URAD: variants seen among roughly 807,000 people sequenced by gnomAD.
URAD encodes ureidoimidazoline (2-oxo-4-hydroxy-4-carboxy-5-) decarboxylase.
In URAD, 4 loss-of-function variants were observed where a neutral mutation model predicts 4.6. That is an observed-to-expected ratio of 0.87 (90% CI 0.43 to 1.98). The LOEUF is 1.98. URAD is among the 30% of genes most tolerant of loss of function. The pLI, the probability that URAD is intolerant of heterozygous loss-of-function variation, is 0.03. For synonymous variants in URAD, 144 were observed against 118.2 expected, an observed-to-expected ratio of 1.22 and a Z score of -1.41; for missense variants, 300 against 255.3, an observed-to-expected ratio of 1.18 and a Z score of -1.19.
intron 1 of URAD, among the ~76,000 whole-genome samples, chr13:27,983,615 G>T (rs953989548): frequency 6.6e-6 from 1 of 152,032 alleles, no homozygotes; most frequent in African/African-American, 2.4e-5. Context: ...AACCTCCTAA[G>T]AAAGACCACC....
chr13:27,985,309 T>G (rs1377365167), intron 1 of URAD, among the ~76,000 whole-genome samples: 2 of 151,616 alleles, frequency 1.3e-5, no homozygotes, highest in East Asian at 3.9e-4. Context: ...AATAGAAAAA[T>G]TAGCTGGGCA....
chr13:27,987,892 T>TGATAGATAGATAGATATA (rs1555247012), intron 1 of URAD, among the ~76,000 whole-genome samples: 14 of 150,196 alleles, frequency 9.3e-5, no homozygotes, highest in African/African-American at 3.4e-4. Context: ...AATAGATAGA[T>TGATAGATAGATAGATATA]GATAGATAGA....
chr13:27,980,103 G>T (rs1333795532), intron 1 of URAD, among the ~76,000 whole-genome samples: 17 of 152,074 alleles, frequency 1.1e-4, no homozygotes, highest in Non-Finnish European at 1.5e-5. Context: ...CAGCTCTGTC[G>T]CCCGGGATGG....
intron 1 of URAD, among the ~76,000 whole-genome samples, chr13:27,987,545 C>G (rs1156412452): frequency 2.6e-5 from 4 of 152,194 alleles, no homozygotes; most frequent in African/African-American, 9.6e-5. Flanking sequence ...CAGCCGATTG[C>G]CCTTTCCCCT....
chr13:27,981,321 A>G (rs7329212), intron 1 of URAD, among the ~76,000 whole-genome samples: 2 of 151,906 alleles, frequency 1.3e-5, no homozygotes, highest in South Asian at 4.1e-4. Flanking sequence ...AGTAGGTGCC[A>G]TCTCCTTGCC....
At chr13:27,987,830 C>A (rs749374296) in intron 1 of URAD, among the ~76,000 whole-genome samples, 1 of 151,994 alleles carries the variant, frequency 6.6e-6, no homozygotes, top group Non-Finnish European at 1.5e-5. Context: ...CTTACTGAAC[C>A]TTCCAAAGGA....
chr13:27,978,497 C>A, intron 1 of URAD, 45 bp from the exon 2 acceptor site: 2 of 1,253,304 alleles, frequency 1.6e-6, no homozygotes, highest in Non-Finnish European at 2.0e-6. Flanking sequence ...CAACCGCGCC[C>A]GTCCCGCACC....
In URAD at chr13:27,978,422, T is replaced by C; in HGVS notation, c.206A>G (p.Asp69Gly). Residue 69 changes from aspartate (D) to glycine (G), a missense_variant, in exon 2 of 2, where the codon GAC (aspartate) becomes GGC (glycine). Asp to Gly is a moderately conservative substitution (Grantham distance 94). Coordinates refer to ENST00000332715, the MANE Select transcript of URAD (RefSeq NM_001105577.2). The part of the protein sequence containing the change: ...GQEGILRCHP[D>G]LAGSELQRGT... ...CCGCTGCAGCTCGCTGCCCGCCAGG[T>C]CCGGGTGGCAGCGCAGGATGCCCTC... The C allele has an allele frequency of 7.3e-7, 1 of 1,374,708 alleles. No homozygotes were observed. The highest frequency in any genetic ancestry group is 9.3e-7 in the Non-Finnish European group (1 of 1,071,730). 85.2% of individuals were successfully genotyped at this position (1,374,708 alleles called of 1,614,324 possible).
Position 27,977,757 on chromosome 13 carries a change from A to T in URAD, c.*349T>A. ...TCCTTTTCCGTCCGTTTTGCTTTGCAGTTCGGGCTTAGCAGGAGAGGGTTG... is the reference window on the plus strand; with the variant it reads ...TCCTTTTCCGTCCGTTTTGCTTTGCTGTTCGGGCTTAGCAGGAGAGGGTTG... On this transcript the variant is annotated 3_prime_UTR_variant, in exon 2 of 2. Transcript: ENST00000332715. 1 of 294,428 alleles carries T rather than the reference A, an allele frequency of 3.4e-6. No individual in the cohort carries two copies. 18.2% of individuals were successfully genotyped at this position (294,428 alleles called of 1,614,324 possible). A position where few individuals can be genotyped will look rare whatever the true frequency, so the allele number is the denominator to read the frequency against.
At chr13:27,984,337 C>G (rs1262633391) in intron 1 of URAD, among the ~76,000 whole-genome samples, 2 of 152,168 alleles carry the variant, frequency 1.3e-5, no homozygotes, top group Admixed American at 6.5e-5. Flanking sequence ...ACTAATTGTC[C>G]GTTCTCTTTC....
chr13:27,986,804 G>A (rs370162381), intron 1 of URAD, among the ~76,000 whole-genome samples: 3 of 152,142 alleles, frequency 2.0e-5, no homozygotes, highest in East Asian at 3.9e-4. Context: ...GGTGGGCTCC[G>A]GGGCCTCCTG....
intron 1 of URAD, among the ~76,000 whole-genome samples, chr13:27,986,020 A>G (rs1269182847): frequency 6.6e-6 from 1 of 152,176 alleles, no homozygotes; most frequent in African/African-American, 2.4e-5. Flanking sequence ...AGCTGCCGCC[A>G]GACAGCAATG....
chr13:27,988,642 T>G lies in URAD; in HGVS notation c.-5A>C. On this transcript the variant is annotated 5_prime_UTR_variant, in exon 1 of 2. Transcript: ENST00000332715. ...GTTGACCTTCTCAATGTCCATTCCTTGTATTCCACTGGAGACAGCGGGACG... is the reference window on the plus strand; with the variant it reads ...GTTGACCTTCTCAATGTCCATTCCTGGTATTCCACTGGAGACAGCGGGACG... 1 of 1,594,158 alleles carries G rather than the reference T, an allele frequency of 6.3e-7. No individual in the cohort carries two copies.
At chr13:27,983,765 C>G (rs1220679688) in intron 1 of URAD, among the ~76,000 whole-genome samples, 1 of 152,190 alleles carries the variant, frequency 6.6e-6, no homozygotes, top group East Asian at 1.9e-4. Flanking sequence ...GTCTTGGTCA[C>G]TACCCCGTTC....
In URAD at chr13:27,977,927, T is replaced by C; in HGVS notation, c.*179A>G. The C allele has an allele frequency of 1.9e-6, 1 of 532,772 alleles. No individual in the cohort carries two copies. Among genetic ancestry groups the C allele is most frequent in the South Asian group, 3.0e-5 (1 of 33,302 alleles). The allele number at this position is 532,772 out of a possible 1,614,324, so 33.0% of individuals were successfully genotyped here. ...GATATTTTGGCAACGCGTGCGCGTG[T>C]GGGTGGGCGGACAAAAGGACTCATT... On this transcript the variant is annotated 3_prime_UTR_variant, in exon 2 of 2. Transcript: ENST00000332715.
rs549250866 is a variant in URAD at position 27,978,175 on chromosome 13, C to A, written c.453G>T (p.Leu151=). 1 of 1,527,768 alleles carries A rather than the reference C, an allele frequency of 6.5e-7. No homozygotes were observed. The highest frequency in any genetic ancestry group is 1.2e-5 in the South Asian group (1 of 82,438). The allele number at this position is 1,527,768 out of a possible 1,614,324, so 94.6% of individuals were successfully genotyped here. A position where few individuals can be genotyped will look rare whatever the true frequency, so the allele number is the denominator to read the frequency against. ...GGCTGCCGATCTTCTTCACCTCGCC[C>A]AGAGCAGTGCGCAGCTCCTGCGCGG... ...CPSAQELRTA[L]GEVKKIGSLR... is the part of the protein sequence containing the mutation. The change falls in exon 2 of 2, where the codon CTG becomes CTT. Residue 151 remains leucine, a synonymous_variant. Transcript: ENST00000332715.
intron 1 of URAD, among the ~76,000 whole-genome samples, chr13:27,983,555 T>C (rs1869935459): frequency 6.6e-6 from 1 of 152,158 alleles, no homozygotes; most frequent in African/African-American, 2.4e-5. Flanking sequence ...AGTGGCCTCA[T>C]CCTAGATTTC....
chr13:27,983,983 A>G (rs1328597504), intron 1 of URAD, among the ~76,000 whole-genome samples: 1 of 152,212 alleles, frequency 6.6e-6, no homozygotes, highest in Non-Finnish European at 1.5e-5. Flanking sequence ...ATTCAACAAA[A>G]ATGTTGTTTA....
Position 27,978,284 on chromosome 13 carries a change from A to T in URAD, c.344T>A (p.Phe115Tyr), listed in dbSNP as rs1208266847. The T allele has an allele frequency of 1.4e-6, 2 of 1,420,976 alleles. No homozygotes were observed. Among genetic ancestry groups the T allele is most frequent in the Non-Finnish European group, 1.8e-6 (2 of 1,096,624 alleles). 88.0% of individuals were successfully genotyped at this position (1,420,976 alleles called of 1,614,324 possible). A position where few individuals can be genotyped will look rare whatever the true frequency, so the allele number is the denominator to read the frequency against. The change falls in exon 2 of 2, where the codon TTC becomes TAC. Residue 115 changes from phenylalanine (F) to tyrosine (Y), a missense_variant. By Grantham distance (22) the Phe-to-Tyr change is conservative (BLOSUM62 3). Coordinates refer to ENST00000332715, the MANE Select transcript of URAD (RefSeq NM_001105577.2). Reference sequence around the variant, plus strand: ...CGCGGCGAGCACGAAGGGGAAACCGAAGCGCGCGCGGTACTGCGCGTTGAG... The same window carrying T: ...CGCGGCGAGCACGAAGGGGAAACCGTAGCGCGCGCGGTACTGCGCGTTGAG... ...AELNAQYRAR[F>Y]GFPFVLAARF...
Sources: gnomAD v4.1 joint callset for allele counts (sites outside exome capture counted in the v4.1 genomes callset) on GRCh38, gnomAD v4.1.1 for gene constraint, MANE v1.5 for transcripts, NCBI Gene and HGNC (gene_info 2026-07-23, HGNC 2026-07-21) for gene names.